DPYD: variants seen among roughly 807,000 people sequenced by gnomAD.
DPYD encodes dihydropyrimidine dehydrogenase [NADP(+)].
DPYD carries 109 observed loss-of-function variants against 116.2 expected under a neutral mutation model. The observed-to-expected ratio is 0.94, with a 90% CI of 0.80 to 1.10. The LOEUF is 1.10. Ranked by LOEUF, DPYD falls within the 50% of genes least tolerant of loss-of-function variation. DPYD has a pLI of 0.00. For synonymous variants in DPYD, 440 were observed against 432.0 expected, an observed-to-expected ratio of 1.02 and a Z score of -0.23; for missense variants, 1,302 against 1,254.5, an observed-to-expected ratio of 1.04 and a Z score of -0.57.
chr1:97,635,085 C>T (rs2100803234), intron 8 of DPYD, among the ~76,000 whole-genome samples: 1 of 152,048 alleles, frequency 6.6e-6, no homozygotes. Context: ...AGTGATGCCT[C>T]TGAAGAGAAA....
intron 16 of DPYD, among the ~76,000 whole-genome samples, chr1:97,335,641 GCTCT>G (rs1404060129): frequency 4.6e-5 from 7 of 152,090 alleles, no homozygotes; most frequent in Non-Finnish European, 8.8e-5. Flanking sequence ...ATTTACCACA[GCTCT>G]CTCTAACTTA....
intron 14 of DPYD, among the ~76,000 whole-genome samples, chr1:97,429,513 T>G (rs1168031599): frequency 6.6e-6 from 1 of 152,064 alleles, no homozygotes; most frequent in Non-Finnish European, 1.5e-5. Flanking sequence ...AACCGTTGTG[T>G]ATATAGGAGA....
At chr1:97,478,396 TC>T (rs1410774187) in intron 13 of DPYD, among the ~76,000 whole-genome samples, 1 of 152,110 alleles carries the variant, frequency 6.6e-6, no homozygotes, top group African/African-American at 2.4e-5. Context: ...CAAGCAATTC[TC>T]CTGCCTCAGC....
intron 20 of DPYD, among the ~76,000 whole-genome samples, chr1:97,177,233 C>T (rs1461444340): frequency 1.3e-5 from 2 of 151,982 alleles, no homozygotes; most frequent in Non-Finnish European, 2.9e-5. Context: ...ACGGTTGTTT[C>T]CTTGAAAGAA....
chr1:97,289,013 T>C (rs1210732489), intron 18 of DPYD, among the ~76,000 whole-genome samples: 2 of 152,162 alleles, frequency 1.3e-5, no homozygotes, highest in Non-Finnish European at 2.9e-5. Context: ...ACATCACCAC[T>C]GATACTGCAG....
Position 97,400,213 on chromosome 1 carries a change from G to A in DPYD, c.1906-17752C>T, listed in dbSNP as rs553419807. 2.0e-5 allele frequency among the ~76,000 whole-genome samples: 3 copies of A among 152,244 alleles called. No homozygotes were observed. In the South Asian group the frequency reaches 6.2e-4, roughly 32 times the overall value. The stretch of plus-strand genomic sequence containing the variant: ...CTGCATCTATTGAGATAATCATGTG[G>A]TTTTTGTCATTGGTTCTGTTTATAT... On this transcript the variant is annotated intron_variant, in intron 14 of 22. Transcript: ENST00000370192.
intron 12 of DPYD, among the ~76,000 whole-genome samples, chr1:97,528,013 G>A (rs908591260): frequency 5.9e-5 from 9 of 152,064 alleles, no homozygotes; most frequent in African/African-American, 2.2e-4. Flanking sequence ...CATCCATTCT[G>A]AAATTATTTT....
At chr1:97,316,084 G>T (rs7512040) in intron 16 of DPYD, among the ~76,000 whole-genome samples, 42,598 of 151,828 alleles carry the variant, frequency 0.28, 6,253 homozygotes, top group Non-Finnish European at 0.31. Context: ...CTTTGTGTCC[G>T]CAAGACAAAA....
At chr1:97,230,997 A>G (rs1661556852) in intron 19 of DPYD, among the ~76,000 whole-genome samples, 1 of 152,220 alleles carries the variant, frequency 6.6e-6, no homozygotes, top group Non-Finnish European at 1.5e-5. Flanking sequence ...GTAGAAACTG[A>G]CATTTGAATA....
At chr1:97,630,121 G>A (rs1207885175) in intron 8 of DPYD, among the ~76,000 whole-genome samples, 3 of 151,558 alleles carry the variant, frequency 2.0e-5, no homozygotes, top group Non-Finnish European at 4.4e-5. Context: ...AGTGAAGAAC[G>A]TCTATGCTGT....
At chr1:97,504,274 T>C (rs1367158995) in intron 13 of DPYD, among the ~76,000 whole-genome samples, 1 of 152,036 alleles carries the variant, frequency 6.6e-6, no homozygotes, top group South Asian at 2.1e-4. Flanking sequence ...GCTTGATATA[T>C]CGAAAAGGTG....
At chr1:97,683,951 A>G (rs1185107514) in intron 7 of DPYD, among the ~76,000 whole-genome samples, 1 of 152,194 alleles carries the variant, frequency 6.6e-6, no homozygotes, top group Non-Finnish European at 1.5e-5. Context: ...TCTGAAACTA[A>G]TAACTTTAAA....
intron 14 of DPYD, among the ~76,000 whole-genome samples, chr1:97,439,020 A>G (rs1467242779): frequency 6.6e-6 from 1 of 152,116 alleles, no homozygotes; most frequent in African/African-American, 2.4e-5. Flanking sequence ...TTTGTTGTAC[A>G]TACCCTTCAT....
At chr1:97,582,508 A>G (rs1407958467) in intron 10 of DPYD, among the ~76,000 whole-genome samples, 1 of 152,142 alleles carries the variant, frequency 6.6e-6, no homozygotes, top group Non-Finnish European at 1.5e-5. Flanking sequence ...AATTTACTAA[A>G]CAGTTTTTTA....
intron 20 of DPYD, among the ~76,000 whole-genome samples, chr1:97,150,360 A>G (rs1654927573): frequency 6.6e-6 from 1 of 152,204 alleles, no homozygotes; most frequent in African/African-American, 2.4e-5. Context: ...ACAGTATGAC[A>G]ATGTTTAGCA....
intron 3 of DPYD, among the ~76,000 whole-genome samples, chr1:97,763,469 A>G (rs937634512): frequency 2.6e-5 from 4 of 151,794 alleles, no homozygotes; most frequent in Non-Finnish European, 5.9e-5. Context: ...TTCTGGCAAA[A>G]GCACACCCAA....
intron 4 of DPYD, among the ~76,000 whole-genome samples, chr1:97,735,440 G>A (rs1453205083): frequency 6.6e-6 from 1 of 151,220 alleles, no homozygotes; most frequent in Non-Finnish European, 1.5e-5. Context: ...ACTTTGGGAG[G>A]CCAAAGCAGG....
At chr1:97,479,253 C>A (rs1054213967) in intron 13 of DPYD, among the ~76,000 whole-genome samples, 1 of 152,210 alleles carries the variant, frequency 6.6e-6, no homozygotes, top group South Asian at 2.1e-4. Flanking sequence ...CTCCACTAAG[C>A]TTAATCATTT....
intron 12 of DPYD, among the ~76,000 whole-genome samples, chr1:97,525,890 G>A (rs1022590371): frequency 3.5e-4 from 48 of 137,724 alleles, no homozygotes; most frequent in African/African-American, 1.0e-3. Flanking sequence ...GTGTGTGCGC[G>A]CGCGCGTGTG....
Sources: gnomAD v4.1 joint callset for allele counts (sites outside exome capture counted in the v4.1 genomes callset) on GRCh38, gnomAD v4.1.1 for gene constraint, MANE v1.5 for transcripts, NCBI Gene and HGNC (gene_info 2026-07-23, HGNC 2026-07-21) for gene names.